Variants in ZNF782 observed in about 807,000 individuals in gnomAD.
ZNF782 encodes zinc finger protein 782.
ZNF782 carries 12 observed loss-of-function variants against 13.0 expected under a neutral mutation model. That is an observed-to-expected ratio of 0.92 (90% CI 0.59 to 1.50). The LOEUF (loss-of-function observed/expected upper bound fraction) is 1.50, where lower values mean the gene tolerates loss of function less well. Among genes scored for constraint, ZNF782 ranks in the 40% most tolerant of loss-of-function variants. The pLI is 0.00. For missense variants in ZNF782, 770 were observed against 822.9 expected (o/e 0.94, Z 0.79); for synonymous variants, 284 against 283.0 (o/e 1.00, Z -0.04).
intron 3 of ZNF782, among the ~76,000 whole-genome samples, chr9:96,846,838 G>T (rs1851353160): frequency 6.6e-6 from 1 of 152,076 alleles, no homozygotes; most frequent in South Asian, 2.1e-4. Flanking sequence ...TAGAACAAAC[G>T]AACTTAACAG....
the ZNF782 span, among the ~76,000 whole-genome samples, chr9:96,922,947 A>AT: frequency 6.8e-6 from 1 of 148,042 alleles, no homozygotes; most frequent in African/African-American, 2.5e-5. Context: ...TGCTTTGTAA[A>AT]CGAGGGGAGT....
intron 4 of ZNF782, among the ~76,000 whole-genome samples, chr9:96,842,695 T>A (rs1040214580): frequency 6.6e-6 from 1 of 152,088 alleles, no homozygotes; most frequent in East Asian, 1.9e-4. Flanking sequence ...ACAAAACTGA[T>A]AAACTGGACT....
chr9:96,882,057 A>T, the ZNF782 span, among the ~76,000 whole-genome samples: 1 of 151,918 alleles, frequency 6.6e-6, no homozygotes, highest in Non-Finnish European at 1.5e-5. Context: ...AATCTAAAAA[A>T]TAATATTAGG....
At chr9:96,822,078 C>T (rs1310072003) in intron 5 of ZNF782, among the ~76,000 whole-genome samples, 1 of 152,178 alleles carries the variant, frequency 6.6e-6, no homozygotes, top group Non-Finnish European at 1.5e-5. Flanking sequence ...TATATGAAGA[C>T]AGTGACTGTT....
In ZNF782 at chr9:96,819,580, A is replaced by G; in HGVS notation, c.443T>C (p.Leu148Pro). 6.2e-7 allele frequency: 1 copy of G among 1,613,866 alleles called. No homozygotes were observed. ...CTGACAGTGTGGGGCCATCAGGCTG[A>G]GCCCCTGGCAAGCAGACCCCGCAAT... ...CDIAGSACQG[L>P]SLMAPHCQYS... The change falls in exon 6 of 6, where the codon CTC (leucine) becomes CCC (proline). Residue 148 changes from leucine (L) to proline (P), a missense_variant. Physicochemically the swap from Leu to Pro is moderately conservative, Grantham distance 98. Coordinates refer to ENST00000481138, the MANE Select transcript of ZNF782 (RefSeq NM_001001662.3).
intron 4 of ZNF782, among the ~76,000 whole-genome samples, chr9:96,834,557 G>C (rs1272227008): frequency 6.6e-6 from 1 of 152,090 alleles, no homozygotes; most frequent in East Asian, 1.9e-4. Flanking sequence ...TCACACTCTT[G>C]CTTCCATGCA....
the ZNF782 span, among the ~76,000 whole-genome samples, chr9:96,887,022 A>G: frequency 6.6e-6 from 1 of 151,726 alleles, no homozygotes; most frequent in Non-Finnish European, 1.5e-5. Flanking sequence ...AACAAGAAAC[A>G]CAGGAAACTG....
At position 96,817,935 on chromosome 9, in the gene ZNF782, G is replaced by A. The variant is rs767717997; in HGVS notation, c.2088C>T (p.His696=). ...TATATGCATACATTTAATCCCCTGG[G>A]TGGGCTTTCTGATGTTCTCTAAGGC... ...KSSLREHQKA[H]PGD is the part of the protein sequence containing the mutation. Residue 696 remains histidine (H), a synonymous_variant, in exon 6 of 6, where the codon CAC becomes CAT. Coordinates refer to ENST00000481138, the MANE Select transcript of ZNF782 (RefSeq NM_001001662.3). 26 of 1,564,866 alleles carry A rather than the reference G, an allele frequency of 1.7e-5. No homozygotes were observed. Among genetic ancestry groups the A allele is most frequent in the Non-Finnish European group, 2.2e-5 (26 of 1,160,748 alleles).
At chr9:96,881,659 T>C in the ZNF782 span, among the ~76,000 whole-genome samples, 2 of 152,136 alleles carry the variant, frequency 1.3e-5, no homozygotes, top group African/African-American at 4.8e-5. Flanking sequence ...TCATTATTTA[T>C]GGAAAAGACT....
chr9:96,879,857 T>C (rs767839689), upstream of ZNF782, among the ~76,000 whole-genome samples: 27 of 152,254 alleles, frequency 1.8e-4, no homozygotes, highest in Non-Finnish European at 3.1e-4. Context: ...AACTCACTTA[T>C]TCGTTTTAGG....
At position 96,867,288 on chromosome 9, in the gene ZNF782, T is replaced by C. The variant is rs540713393; in HGVS notation, c.-456-5685A>G. The stretch of plus-strand genomic sequence containing the variant: ...CTGTTCTTGTGATAGTGAATAAGTC[T>C]CATGAGATCTGACAGTATTATAAGG... On this transcript the variant is annotated intron_variant, in intron 1 of 5. Coordinates refer to the ZNF782 transcript ENST00000498811. 9.2e-5 allele frequency among the ~76,000 whole-genome samples: 14 copies of C among 152,290 alleles called. 1 individual carries two copies. The South Asian group carries it at 2.9e-3, about 32-fold the overall frequency.
At chr9:96,887,315 A>T in the ZNF782 span, 1 of 140,542 alleles carries the variant, frequency 7.1e-6, no homozygotes, top group Admixed American at 6.8e-5. Context: ...GGAAGGAAGG[A>T]AGGAAGGAAG....
the ZNF782 span, among the ~76,000 whole-genome samples, chr9:96,913,077 G>A: frequency 6.6e-6 from 1 of 150,956 alleles, no homozygotes; most frequent in Non-Finnish European, 1.5e-5. Flanking sequence ...TCTCTTGGGA[G>A]GCTGAGAAGG....
At chr9:96,888,839 G>A in the ZNF782 span, 1 of 152,394 alleles carries the variant, frequency 6.6e-6, no homozygotes, top group Non-Finnish European at 1.5e-5. Context: ...TGAATTCCAG[G>A]CCTCTGAAAG....
At chr9:96,913,250 G>A in the ZNF782 span, among the ~76,000 whole-genome samples, 4,859 of 150,938 alleles carry the variant, frequency 0.032, 56 homozygotes, top group East Asian at 0.28. Flanking sequence ...GGGAGGCGGA[G>A]GTTGCAGTGA....
intron 4 of ZNF782, among the ~76,000 whole-genome samples, chr9:96,840,008 GGTATTGTTGCTGA>G (rs1475011726): frequency 7.2e-5 from 11 of 152,206 alleles, no homozygotes; most frequent in Admixed American, 2.6e-4. Flanking sequence ...TGTTTATGCA[GGTATTGTTGCTGA>G]GTACTGTATA....
At chr9:96,835,783 T>C (rs1371316384) in intron 4 of ZNF782, among the ~76,000 whole-genome samples, 3 of 152,264 alleles carry the variant, frequency 2.0e-5, no homozygotes, top group African/African-American at 7.2e-5. Flanking sequence ...AAAAACCCTA[T>C]AGGCCCAGGC....
the ZNF782 span, among the ~76,000 whole-genome samples, chr9:96,901,646 C>T: frequency 6.6e-6 from 1 of 151,506 alleles, no homozygotes; most frequent in South Asian, 2.1e-4. Flanking sequence ...AACAAAGTGA[C>T]CATTTAAGTA....
intron 3 of ZNF782, among the ~76,000 whole-genome samples, chr9:96,846,584 A>C (rs189183869): frequency 5.7e-4 from 86 of 152,168 alleles, no homozygotes; most frequent in Non-Finnish European, 1.0e-3. Flanking sequence ...AAAATCAGTA[A>C]AAAAAAGACA....
Sources: allele counts gnomAD v4.1 joint callset (sites outside exome capture counted in the v4.1 genomes callset), GRCh38; gene constraint gnomAD v4.1.1; transcripts MANE v1.5; gene names NCBI Gene and HGNC (gene_info 2026-07-23, HGNC 2026-07-21).